The following DGKB variants were observed in gnomAD, a reference collection of about 807,000 sequenced individuals.
DGKB encodes the protein 90 kDa diacylglycerol kinase.
In DGKB, 67 loss-of-function variants were observed where a neutral mutation model predicts 114.3. That is an observed-to-expected ratio of 0.59 (90% confidence interval 0.48 to 0.72). The LOEUF (loss-of-function observed/expected upper bound fraction) is 0.72. Among genes scored for constraint, DGKB ranks in the 30% least tolerant of loss-of-function variants. DGKB has a pLI of 0.00. For missense variants in DGKB, 907 were observed against 975.2 expected, an observed-to-expected ratio of 0.93 and a Z score of 0.93; for synonymous variants, 398 against 323.1, an observed-to-expected ratio of 1.23 and a Z score of -2.49.
chr7:14,858,678 C>T (rs1483330110), intron 1 of DGKB, among the ~76,000 whole-genome samples: 1 of 151,838 alleles, frequency 6.6e-6, no homozygotes, highest in East Asian at 1.9e-4. Context: ...GGCAAGAGAT[C>T]AAGGAGTAAA....
At chr7:14,704,212 G>T (rs948393620) in intron 6 of DGKB, among the ~76,000 whole-genome samples, 2 of 150,948 alleles carry the variant, frequency 1.3e-5, no homozygotes, top group South Asian at 4.2e-4. Flanking sequence ...GAGGCAGGTG[G>T]ATCACGAGGT....
rs749742612 is a variant in DGKB at position 14,718,616 on chromosome 7, T to C, written c.392A>G (p.Glu131Gly). 2 of 1,612,880 alleles carry C rather than the reference T, an allele frequency of 1.2e-6. No homozygotes were observed. Among genetic ancestry groups the C allele is most frequent in the South Asian group, 2.2e-5 (2 of 90,968 alleles). Residue 131 changes from glutamate (E) to glycine (G), a missense_variant, in exon 6 of 26, where the codon GAA (glutamate) becomes GGA (glycine). Physicochemically the swap from Glu to Gly is moderately conservative, Grantham distance 98. Coordinates refer to ENST00000402815, the MANE Select transcript of DGKB (RefSeq NM_001350709.2). ...GACAATGTCCTTCAGATGGATTACT[T>C]CTGGGGAACACGTATTTGCAGGAGA... ...TTSPANTCSP[E>G]VIHLKDIVCY...
At chr7:14,682,447 A>G (rs1820998051) in intron 12 of DGKB, 106 bp downstream of exon 12, 1 of 742,870 alleles carries the variant, frequency 1.3e-6, no homozygotes, top group African/African-American at 1.7e-5. Context: ...TTTTATGCTT[A>G]CACTCAGTTT....
intron 23 of DGKB, among the ~76,000 whole-genome samples, chr7:14,220,832 CTTTTA>C (rs1455528317): frequency 8.6e-5 from 13 of 151,140 alleles, no homozygotes; most frequent in African/African-American, 3.1e-4. Context: ...TGTTTTCTTT[CTTTTA>C]ATTTTTTAAA....
chr7:14,800,772 C>G (rs928425284), intron 2 of DGKB, among the ~76,000 whole-genome samples: 2 of 152,066 alleles, frequency 1.3e-5, no homozygotes, highest in African/African-American at 4.8e-5. Context: ...AATCAACAGG[C>G]AAAGAATTGA....
intron 14 of DGKB, among the ~76,000 whole-genome samples, chr7:14,624,662 G>A (rs1315617451): frequency 6.6e-6 from 1 of 152,054 alleles, no homozygotes; most frequent in African/African-American, 2.4e-5. Flanking sequence ...TAAGTAAGTT[G>A]GGCAGGAGAC....
At chr7:14,948,817 A>C (rs1215681373) in intron 1 of DGKB, among the ~76,000 whole-genome samples, 1 of 151,870 alleles carries the variant, frequency 6.6e-6, no homozygotes, top group Non-Finnish European at 1.5e-5. Context: ...CTCAACAGCA[A>C]AAAGGGAATC....
intron 21 of DGKB, among the ~76,000 whole-genome samples, chr7:14,389,624 C>A (rs867773633): frequency 6.6e-6 from 1 of 152,184 alleles, no homozygotes; most frequent in South Asian, 2.1e-4. Context: ...AAATAAATCA[C>A]CTCTAATTCC....
Position 14,244,439 on chromosome 7 carries a change from A to G in DGKB, c.2123-66288T>C, listed in dbSNP as rs182268916. On this transcript the variant is annotated intron_variant, in intron 23 of 25. Coordinates refer to ENST00000402815, the MANE Select transcript of DGKB (RefSeq NM_001350709.2). The stretch of plus-strand genomic sequence containing the variant: ...TGGGAGGCTGAGGTGGGCGGATCAC[A>G]AGGTCAGGAGATCAAGATCATCCTG... Among the ~76,000 whole-genome samples the G allele has an allele frequency of 7.9e-3, 1,200 of 151,838 alleles. 5 individuals are homozygous for G. The highest frequency in any genetic ancestry group is 0.011 in the Non-Finnish European group (778 of 67,898).
rs1799410703 is a variant in DGKB at position 14,278,771 on chromosome 7, A to G, written c.2122+59744T>C. On this transcript the variant is annotated intron_variant, in intron 23 of 25. Coordinates refer to ENST00000402815, the MANE Select transcript of DGKB (RefSeq NM_001350709.2). ...TAATAAGCAAAATAATAATAATGAG[A>G]ATAATAATATAAGGAACACAAACAA... is the stretch of plus-strand genomic sequence containing the variant. 2.0e-5 allele frequency among the ~76,000 whole-genome samples: 3 copies of G among 152,152 alleles called. No individual in the cohort carries two copies. The South Asian group carries it at 6.2e-4, about 32-fold the overall frequency.
At chr7:14,323,875 T>C (rs993095900) in intron 23 of DGKB, among the ~76,000 whole-genome samples, 1 of 152,148 alleles carries the variant, frequency 6.6e-6, no homozygotes, top group African/African-American at 2.4e-5. Flanking sequence ...TGTAAAATGG[T>C]TTTCAAAAAA....
At chr7:14,591,810 C>CTTTG (rs1239211037) in intron 17 of DGKB, among the ~76,000 whole-genome samples, 1 of 151,868 alleles carries the variant, frequency 6.6e-6, no homozygotes, top group Non-Finnish European at 1.5e-5. Flanking sequence ...CAGAGGCTTA[C>CTTTG]TTTGTGTTAA....
intron 1 of DGKB, among the ~76,000 whole-genome samples, chr7:14,927,849 T>C (rs1784823586): frequency 6.6e-6 from 1 of 151,918 alleles, no homozygotes; most frequent in African/African-American, 2.4e-5. Context: ...TAAATATTTA[T>C]ATGCAAAATC....
At chr7:14,866,337 T>C (rs1851711397) in intron 1 of DGKB, among the ~76,000 whole-genome samples, 1 of 152,154 alleles carries the variant, frequency 6.6e-6, no homozygotes, top group South Asian at 2.1e-4. Flanking sequence ...AAATGTATAA[T>C]GACATGTTCT....
chr7:14,931,532 C>T (rs980432493), intron 1 of DGKB, among the ~76,000 whole-genome samples: 1 of 152,068 alleles, frequency 6.6e-6, no homozygotes, highest in Non-Finnish European at 1.5e-5. Context: ...GTGGGGCAGT[C>T]CTCAGACCTT....
chr7:14,369,965 T>C (rs1817362849), intron 21 of DGKB, among the ~76,000 whole-genome samples: 1 of 152,246 alleles, frequency 6.6e-6, no homozygotes, highest in Non-Finnish European at 1.5e-5. Context: ...ATCCCATTTG[T>C]CAATTTTGGC....
chr7:14,793,261 T>C (rs919509766), intron 2 of DGKB, among the ~76,000 whole-genome samples: 4 of 152,136 alleles, frequency 2.6e-5, no homozygotes, highest in Non-Finnish European at 4.4e-5. Flanking sequence ...AGAAATGTCA[T>C]GTAAAATTGT....
At position 14,415,512 on chromosome 7, in the gene DGKB, C is replaced by T. The variant is rs573468786; in HGVS notation, c.1835+62649G>A. On this transcript the variant is annotated intron_variant, in intron 21 of 25. Transcript: ENST00000402815. ...TTCAATTCCCACCTATGAGTGAGAACATGCGGTGTTTGGTTTTTTGTTCTT... is the reference window on the plus strand; with the variant it reads ...TTCAATTCCCACCTATGAGTGAGAATATGCGGTGTTTGGTTTTTTGTTCTT... Among the ~76,000 whole-genome samples, 1,373 of 150,080 alleles carry T rather than the reference C, an allele frequency of 9.1e-3. 23 individuals are homozygous for T. The highest frequency in any genetic ancestry group is 0.032 in the African/African-American group (1,312 of 41,008).
intron 2 of DGKB, among the ~76,000 whole-genome samples, chr7:14,815,732 C>A (rs547812076): frequency 6.6e-6 from 1 of 152,238 alleles, no homozygotes; most frequent in Non-Finnish European, 1.5e-5. Context: ...GGGTTCAGAA[C>A]TCCCTCTTCC....
Sources: gnomAD v4.1 joint callset for allele counts (sites outside exome capture counted in the v4.1 genomes callset) on GRCh38, gnomAD v4.1.1 for gene constraint, MANE v1.5 for transcripts, NCBI Gene and HGNC (gene_info 2026-07-23, HGNC 2026-07-21) for gene names.